ADAM29: variants seen among roughly 807,000 people sequenced by gnomAD.
The protein encoded by ADAM29 is disintegrin and metalloproteinase domain-containing protein 29.
For missense variants in ADAM29, 969 were observed against 1,001.8 expected (o/e 0.97, Z 0.44); for synonymous variants, 367 against 342.3 (o/e 1.07, Z -0.80).
At chr4:174,958,110 G>A (rs1018377415) in intron 4 of ADAM29, among the ~76,000 whole-genome samples, 1 of 151,706 alleles carries the variant, frequency 6.6e-6, no homozygotes, top group African/African-American at 2.4e-5. Flanking sequence ...TTCTATATAA[G>A]CTTAAATATG....
chr4:174,956,847 T>C (rs1251560256), intron 4 of ADAM29, among the ~76,000 whole-genome samples: 1 of 151,844 alleles, frequency 6.6e-6, no homozygotes, highest in Non-Finnish European at 1.5e-5. Flanking sequence ...ATTAATTACT[T>C]AGTTAAGCTT....
chr4:174,933,653 A>G (rs1233857099), intron 3 of ADAM29, among the ~76,000 whole-genome samples: 2 of 152,054 alleles, frequency 1.3e-5, no homozygotes, highest in Non-Finnish European at 2.9e-5. Flanking sequence ...AGGAGACCCC[A>G]ATGTCTATTG....
Position 174,977,709 on chromosome 4 carries a change from A to G in ADAM29, c.2184A>G (p.Leu728=), listed in dbSNP as rs1242818795. The part of the protein sequence containing the change: ...EEKIQRRPHE[L]PPQSQPWVMP... ...AAATTCAGCGTCGACCTCATGAGTT[A>G]CCTCCCCAGAGTCAACCTTGGGTGA... Residue 728 remains leucine, a synonymous_variant, in exon 5 of 5, where the codon TTA becomes TTG. Coordinates refer to ENST00000359240, the MANE Select transcript of ADAM29 (RefSeq NM_014269.4). 1.2e-6 allele frequency: 2 copies of G among 1,614,068 alleles called. No individual in the cohort carries two copies. The highest frequency in any genetic ancestry group is 2.7e-5 in the African/African-American group (2 of 74,904).
chr4:174,926,721 CA>C (rs34308315), intron 2 of ADAM29, among the ~76,000 whole-genome samples: 3,257 of 107,556 alleles, frequency 0.03, 69 homozygotes, highest in African/African-American at 0.069. Flanking sequence ...AGACCATGTC[CA>C]AAAAAAAAAA....
chr4:174,947,124 A>ATCTC (rs145310230), intron 4 of ADAM29, among the ~76,000 whole-genome samples: 23 of 148,442 alleles, frequency 1.5e-4, no homozygotes, highest in East Asian at 1.2e-3. Flanking sequence ...GCTTATTTGG[A>ATCTC]TCTCTCTCTC....
chr4:174,945,188 T>G (rs1744770115), intron 4 of ADAM29, among the ~76,000 whole-genome samples: 1 of 152,142 alleles, frequency 6.6e-6, no homozygotes, highest in East Asian at 1.9e-4. Flanking sequence ...TACTTTTTAA[T>G]AATACCCATA....
At chr4:174,934,999 G>C (rs752191645) in intron 3 of ADAM29, among the ~76,000 whole-genome samples, 12 of 152,076 alleles carry the variant, frequency 7.9e-5, no homozygotes, top group Non-Finnish European at 1.8e-4. Flanking sequence ...ACAGATGATA[G>C]ATAGATACAT....
At chr4:174,929,936 A>T (rs1211314126) in intron 2 of ADAM29, among the ~76,000 whole-genome samples, 1 of 149,252 alleles carries the variant, frequency 6.7e-6, no homozygotes, top group African/African-American at 2.5e-5. Context: ...TTTGTTTGTT[A>T]GTTTGTTTTT....
At chr4:174,970,615 C>A (rs1746420312) in intron 4 of ADAM29, among the ~76,000 whole-genome samples, 1 of 152,082 alleles carries the variant, frequency 6.6e-6, no homozygotes, top group Admixed American at 6.6e-5. Flanking sequence ...TCCAGAACTA[C>A]AGAACTATAA....
At chr4:174,942,256 T>C (rs1277000750) in intron 4 of ADAM29, among the ~76,000 whole-genome samples, 1 of 152,156 alleles carries the variant, frequency 6.6e-6, no homozygotes, top group African/African-American at 2.4e-5. Flanking sequence ...ATGGTGGCCC[T>C]CTTCTTACTG....
At chr4:174,949,264 CTCCTAGAGT>C (rs1315669786) in intron 4 of ADAM29, among the ~76,000 whole-genome samples, 1 of 152,132 alleles carries the variant, frequency 6.6e-6, no homozygotes, top group East Asian at 1.9e-4. Flanking sequence ...AGGCTAAAGT[CTCCTAGAGT>C]TCCTAGAGGA....
At chr4:174,922,603 C>A (rs1743228377) in intron 2 of ADAM29, among the ~76,000 whole-genome samples, 1 of 152,084 alleles carries the variant, frequency 6.6e-6, no homozygotes, top group Non-Finnish European at 1.5e-5. Context: ...AGGAACCCCA[C>A]CAACTTATCA....
intron 4 of ADAM29, among the ~76,000 whole-genome samples, chr4:174,972,222 T>C (rs1265631666): frequency 6.6e-6 from 1 of 152,210 alleles, no homozygotes; most frequent in East Asian, 1.9e-4. Context: ...GTTTGGAACA[T>C]CTTTGCCTGT....
At chr4:174,956,475 G>GGTGT (rs749723638) in intron 4 of ADAM29, among the ~76,000 whole-genome samples, 2 of 140,922 alleles carry the variant, frequency 1.4e-5, no homozygotes, top group African/African-American at 5.4e-5. Flanking sequence ...TTTAAAAAAA[G>GGTGT]GTGTGTGTGT....
chr4:174,921,561 A>G (rs938085124), intron 2 of ADAM29, among the ~76,000 whole-genome samples: 1 of 152,206 alleles, frequency 6.6e-6, no homozygotes, highest in African/African-American at 2.4e-5. Flanking sequence ...CCTATTATCC[A>G]AAAAGTGAAC....
rs760135681 is a variant in ADAM29 at position 174,976,522 on chromosome 4, CAT to C, written c.998_999del (p.His333ProfsTer4). Reference sequence around the variant, plus strand: ...CACTTTTTCAATTGCAGTGGCTCATCATCTAGGTCATAATTTGGGCATGAACC... The same window carrying C: ...CACTTTTTCAATTGCAGTGGCTCATCCTAGGTCATAATTTGGGCATGAACC... The part of the protein sequence containing the change: ...LGTFSIAVAH[H>X]LGHNLGMNHD... On this transcript the variant is annotated frameshift_variant, in exon 5 of 5. Transcript: ENST00000359240. LOFTEE classifies it low-confidence loss of function (END_TRUNC). 1.2e-6 allele frequency: 2 copies of C among 1,608,488 alleles called. No individual in the cohort carries two copies. The highest frequency in any genetic ancestry group is 8.5e-7 in the Non-Finnish European group (1 of 1,177,696).
At chr4:174,964,688 G>A (rs1324295992) in intron 4 of ADAM29, among the ~76,000 whole-genome samples, 2 of 152,058 alleles carry the variant, frequency 1.3e-5, no homozygotes, top group Non-Finnish European at 2.9e-5. Context: ...ATTGCACCTT[G>A]TTAAAACTGA....
rs1473646749 is a variant in ADAM29 at position 174,929,918 on chromosome 4, G to C, written c.-450-1068G>C. Among the ~76,000 whole-genome samples the C allele has an allele frequency of 2.1e-4, 31 of 151,190 alleles. 1 individual carries two copies. The highest frequency in any genetic ancestry group is 2.0e-3 in the Admixed American group (31 of 15,198). Reference sequence around the variant, plus strand: ...ATTACAGGCGCATGCTACGACACCTGGCTAATTTTTGTTTGTTAGTTTGTT... The same window carrying C: ...ATTACAGGCGCATGCTACGACACCTCGCTAATTTTTGTTTGTTAGTTTGTT... On this transcript the variant is annotated intron_variant, in intron 2 of 4. Coordinates refer to ENST00000359240, the MANE Select transcript of ADAM29 (RefSeq NM_014269.4).
At position 174,943,380 on chromosome 4, in the gene ADAM29, C is replaced by T. The variant is rs1744656727; in HGVS notation, c.-181+6367C>T. Among the ~76,000 whole-genome samples, 4 of 152,162 alleles carry T rather than the reference C, an allele frequency of 2.6e-5. No individual in the cohort carries two copies. In the South Asian group the frequency reaches 8.3e-4, roughly 31 times the overall value. On this transcript the variant is annotated intron_variant, in intron 4 of 4. Transcript: ENST00000359240. ...ATTTTCACACTGCTATAAAGAACTA[C>T]CTGAGACTGAGTAATTTATTTTTAA...
Sources: gnomAD v4.1 joint callset for allele counts (sites outside exome capture counted in the v4.1 genomes callset) on GRCh38, gnomAD v4.1.1 for gene constraint, MANE v1.5 for transcripts, NCBI Gene and HGNC (gene_info 2026-07-23, HGNC 2026-07-21) for gene names.